DDO: variants seen among roughly 807,000 people sequenced by gnomAD.
DDO encodes D-aspartate oxidase.
DDO carries 16 observed loss-of-function variants against 16.8 expected under a neutral mutation model. The observed-to-expected ratio is 0.95, with a 90% CI of 0.65 to 1.45. DDO has a LOEUF of 1.45. Ranked by LOEUF, DDO falls within the 40% of genes most tolerant of loss-of-function variation. DDO has a pLI of 0.00. For synonymous variants in DDO, 180 were observed against 167.2 expected, an observed-to-expected ratio of 1.08 and a Z score of -0.59; for missense variants, 429 against 420.3, an observed-to-expected ratio of 1.02 and a Z score of -0.18.
intron 2 of DDO, among the ~76,000 whole-genome samples, chr6:110,410,896 C>G (rs1372430238): frequency 6.6e-6 from 1 of 152,112 alleles, no homozygotes; most frequent in Non-Finnish European, 1.5e-5. Flanking sequence ...AGCTCCTGGA[C>G]CTGCAATGCC....
At chr6:110,389,264 G>T (rs766688344), downstream of DDO, among the ~76,000 whole-genome samples, 2 of 152,142 alleles carry the variant, frequency 1.3e-5, no homozygotes, top group Non-Finnish European at 2.9e-5. Context: ...TCTGGGTTTC[G>T]GGCATTCAGG....
In DDO at chr6:110,409,451, G is replaced by A. The variant is rs139009358; in HGVS notation, c.173-1009C>T. 2.5e-3 allele frequency among the ~76,000 whole-genome samples: 388 copies of A among 152,274 alleles called. 5 individuals are homozygous for A. Among genetic ancestry groups the A allele is most frequent in the African/African-American group, 9.1e-3 (379 of 41,562 alleles). ...ACTGAGGCAGAGAGGATGCTAAGTT[G>A]GTTCCACTTGGAGAGGTGTCCCTGA... On this transcript the variant is annotated intron_variant, in intron 2 of 4. Transcript: ENST00000368924.
chr6:110,404,889 C>T lies in DDO; in HGVS notation c.343G>A (p.Gly115Arg). The change falls in exon 4 of 5, where the codon GGA becomes AGA. Residue 115 changes from glycine to arginine, a missense_variant. Physicochemically the swap from Gly to Arg is moderately radical, Grantham distance 125. Transcript: ENST00000368924. ...TCAGCCTCAGTCATCTTTCGAAATC[C>T]CAGAACCACGTCAGCCCAGAATGGC... ...EVPFWADVVL[G>R]FRKMTEAELK... 1 of 1,614,164 alleles carries T rather than the reference C, an allele frequency of 6.2e-7. No individual in the cohort carries two copies. The highest frequency in any genetic ancestry group is 8.5e-7 in the Non-Finnish European group (1 of 1,180,034).
At chr6:110,407,642 A>G (rs1436063135) in intron 3 of DDO, among the ~76,000 whole-genome samples, 1 of 152,224 alleles carries the variant, frequency 6.6e-6, no homozygotes, top group East Asian at 1.9e-4. Flanking sequence ...ATATGATGAC[A>G]CTGAGAAGTA....
chr6:110,399,395 G>T lies in DDO; in HGVS notation c.458+5379C>A, dbSNP rs150842666. 4.8e-3 allele frequency among the ~76,000 whole-genome samples: 731 copies of T among 152,326 alleles called. 5 individuals carry two copies. Among genetic ancestry groups the T allele is most frequent in the African/African-American group, 0.017 (709 of 41,564 alleles). On this transcript the variant is annotated intron_variant, in intron 4 of 4. Transcript: ENST00000368924. ...CTGAACACTCACATTGTGTGGAAGA[G>T]GCGTAGGTGGCAACAAAATAGACCC...
rs148896712 is a variant in DDO, at chr6:110,410,495, G to C, written c.173-2053C>G. 2.2e-3 allele frequency among the ~76,000 whole-genome samples: 335 copies of C among 152,344 alleles called. 3 individuals carry two copies. The Middle Eastern group carries it at 0.024, about 11-fold the overall frequency. On this transcript the variant is annotated intron_variant, in intron 2 of 4. Coordinates refer to ENST00000368924, the MANE Select transcript of DDO (RefSeq NM_001372108.2). ...ACAGGGTAATTTATAAAGGAAAGAA[G>C]TTTAATTGACTCACGGTTCAGCATG... is the stretch of plus-strand genomic sequence containing the variant.
At position 110,393,077 on chromosome 6, in the gene DDO, A is replaced by C. The variant is rs1312245899; in HGVS notation, c.724T>G (p.Trp242Gly). The change falls in exon 5 of 5, where the codon TGG becomes GGG. Residue 242 changes from tryptophan to glycine, a missense_variant. By Grantham distance (184) the Trp-to-Gly change is radical (BLOSUM62 -2). Transcript: ENST00000368924. The part of the protein sequence containing the change: ...TLGGTRQKGD[W>G]NLSPDAENSR... ...TTTTCTGCATCCGGGGACAGATTCC[A>C]GTCCCCTTTTTGCCTAGTTCCACCT... is the stretch of plus-strand genomic sequence containing the variant. 1 of 1,613,618 alleles carries C rather than the reference A, an allele frequency of 6.2e-7. No individual in the cohort carries two copies. Among genetic ancestry groups the C allele is most frequent in the South Asian group, 1.1e-5 (1 of 91,084 alleles).
chr6:110,390,352 C>T (rs557368276), downstream of DDO, among the ~76,000 whole-genome samples: 3 of 152,316 alleles, frequency 2.0e-5, no homozygotes, highest in Non-Finnish European at 2.9e-5. Context: ...ATAAAGCAGG[C>T]CTGGGCATCA....
chr6:110,392,825 T>TC lies in DDO; in HGVS notation c.975dup (p.Ser326GlufsTer22). ...GTCCTGAGGGCATGGACACACTCGC[T>TC]CACCAGCCTGGCGGCCTCCAGAGCA... On this transcript the variant is annotated frameshift_variant, in exon 5 of 5. Transcript: ENST00000368924. LOFTEE classifies it low-confidence loss of function (END_TRUNC). The TC allele has an allele frequency of 6.2e-7, 1 of 1,608,404 alleles. No homozygotes were observed. The highest frequency in any genetic ancestry group is 2.2e-5 in the East Asian group (1 of 44,754).
intron 1 of DDO, among the ~76,000 whole-genome samples, chr6:110,414,274 C>G (rs1773966366): frequency 6.6e-6 from 1 of 152,244 alleles, no homozygotes; most frequent in East Asian, 1.9e-4. Context: ...AGCAGCTGAA[C>G]TCAGTCTCCT....
intron 4 of DDO, among the ~76,000 whole-genome samples, chr6:110,396,995 C>T (rs1037111014): frequency 7.9e-5 from 12 of 152,074 alleles, no homozygotes; most frequent in African/African-American, 1.9e-4. Flanking sequence ...AAAGTGAACA[C>T]GAAGAAAAGA....
chr6:110,408,043 CG>C (rs1416958362), intron 3 of DDO, among the ~76,000 whole-genome samples: 57 of 152,284 alleles, frequency 3.7e-4, no homozygotes, highest in South Asian at 1.2e-3. Flanking sequence ...TTACCTCCTG[CG>C]TGTTTTTTTA....
At chr6:110,399,631 G>A (rs1470712097) in intron 4 of DDO, among the ~76,000 whole-genome samples, 1 of 152,162 alleles carries the variant, frequency 6.6e-6, no homozygotes, top group Non-Finnish European at 1.5e-5. Flanking sequence ...GGAGGAAAGG[G>A]GACACGTGGC....
In DDO at chr6:110,392,139, A is replaced by C; in HGVS notation, c.*636T>G. 7 of 955,718 alleles carry C rather than the reference A, an allele frequency of 7.3e-6. No individual in the cohort carries two copies. The highest frequency in any genetic ancestry group is 8.7e-6 in the Non-Finnish European group (7 of 802,868). The allele number at this position is 955,718 out of a possible 1,614,324, so 59.2% of individuals were successfully genotyped here. A position where few individuals can be genotyped will look rare whatever the true frequency, so the allele number is the denominator to read the frequency against. On this transcript the variant is annotated 3_prime_UTR_variant, in exon 5 of 5. Coordinates refer to ENST00000368924, the MANE Select transcript of DDO (RefSeq NM_001372108.2). ...AAGCTTGCTGCTAGTACTAGGAGCA[A>C]GCATGCTTTGTCTTCAATTAAATGT...
At chr6:110,396,691 T>TTTTGTTCG (rs753263932) in intron 4 of DDO, among the ~76,000 whole-genome samples, 15 of 150,926 alleles carry the variant, frequency 9.9e-5, no homozygotes, top group African/African-American at 3.7e-4. Context: ...GGAGCTACTG[T>TTTTGTTCG]TTTGTTTGTT....
rs75224915 is a variant in DDO, at chr6:110,411,929, A to G, written c.172+1362T>C. Among the ~76,000 whole-genome samples the G allele has an allele frequency of 5.6e-3, 849 of 152,308 alleles. 5 individuals carry two copies. Among genetic ancestry groups the G allele is most frequent in the Middle Eastern group, 0.017 (5 of 294 alleles). On this transcript the variant is annotated intron_variant, in intron 2 of 4. Transcript: ENST00000368924. ...CCCCATTTCAAGTGGAAAATACAGAAAGGAAAGGACGCATGGACATGTTCA... is the reference window on the plus strand; with the variant it reads ...CCCCATTTCAAGTGGAAAATACAGAGAGGAAAGGACGCATGGACATGTTCA...
intron 3 of DDO, among the ~76,000 whole-genome samples, chr6:110,407,248 A>C (rs1034079071): frequency 6.6e-6 from 1 of 152,214 alleles, no homozygotes; most frequent in African/African-American, 2.4e-5. Context: ...GGATTTGGAC[A>C]AAGAGTGTGA....
At chr6:110,404,348 G>C (rs1293090035) in intron 4 of DDO, among the ~76,000 whole-genome samples, 2 of 152,056 alleles carry the variant, frequency 1.3e-5, no homozygotes, top group Non-Finnish European at 2.9e-5. Context: ...CCAAAAATGA[G>C]AAAAAATTCA....
At chr6:110,401,965 T>A (rs1032950767) in intron 4 of DDO, among the ~76,000 whole-genome samples, 1 of 152,216 alleles carries the variant, frequency 6.6e-6, no homozygotes, top group South Asian at 2.1e-4. Flanking sequence ...CCTGCTATGA[T>A]GCAATAAGGA....
Sources: gnomAD v4.1 joint callset for allele counts (sites outside exome capture counted in the v4.1 genomes callset) on GRCh38, gnomAD v4.1.1 for gene constraint, MANE v1.5 for transcripts, NCBI Gene and HGNC (gene_info 2026-07-23, HGNC 2026-07-21) for gene names.